Variants in SLC1A6 observed in about 807,000 individuals in gnomAD.
SLC1A6 encodes the protein excitatory amino acid transporter 4.
A neutral mutation model predicts 42.1 loss-of-function variants in SLC1A6; 15 were observed. The observed-to-expected ratio is 0.36, with a 90% CI of 0.24 to 0.55. The LOEUF (loss-of-function observed/expected upper bound fraction) is 0.55. Ranked by LOEUF, SLC1A6 falls within the 20% of genes least tolerant of loss-of-function variation. The probability of loss-of-function intolerance (pLI) is 0.88; values close to 1 mark genes in which losing one functional copy is unlikely to be tolerated. For missense variants in SLC1A6, 542 were observed against 772.5 expected, an observed-to-expected ratio of 0.70 and a Z score of 3.54; for synonymous variants, 317 against 319.7, an observed-to-expected ratio of 0.99 and a Z score of 0.09.
At position 14,971,791 on chromosome 19, in the gene SLC1A6, T is replaced by A; in HGVS notation, c.289A>T (p.Met97Leu). Residue 97 changes from methionine (M) to leucine (L), a missense_variant, in exon 3 of 10, where the codon ATG (methionine) becomes TTG (leucine). Met to Leu is a conservative substitution (Grantham distance 15). Coordinates refer to ENST00000594383, the MANE Select transcript of SLC1A6 (RefSeq NM_005071.3). The stretch of plus-strand genomic sequence containing the variant: ...AACACCAGCATCTGCAGCATCCTCA[T>A]CAGAAGCTCTCCAGGAAAAGAGAAG... ...KYFSFPGELL[M>L]RMLQMLVLPL... 6.2e-7 allele frequency: 1 copy of A among 1,614,088 alleles called. No homozygotes were observed. Among genetic ancestry groups the A allele is most frequent in the Non-Finnish European group, 8.5e-7 (1 of 1,179,974 alleles).
intron 1 of SLC1A6, among the ~76,000 whole-genome samples, chr19:14,996,532 T>TTCTTCTTCTTCC (rs2045847321): frequency 3.6e-5 from 4 of 110,952 alleles, no homozygotes; most frequent in African/African-American, 1.2e-4. Flanking sequence ...CTCCTCTTTC[T>TTCTTCTTCTTCC]TCTTCTTCTT....
At chr19:14,971,235 A>G (rs953660289) in intron 3 of SLC1A6, among the ~76,000 whole-genome samples, 17 of 152,338 alleles carry the variant, frequency 1.1e-4, no homozygotes, top group African/African-American at 3.8e-4. Context: ...AAAAGAGACC[A>G]TATGGCCCTT....
At chr19:14,987,295 C>T (rs779245760) in intron 1 of SLC1A6, among the ~76,000 whole-genome samples, 51 of 151,872 alleles carry the variant, frequency 3.4e-4, no homozygotes, top group Admixed American at 3.3e-4. Flanking sequence ...GGCGAAATAC[C>T]GTCTCTACTG....
chr19:14,957,380 T>C (rs2045472634), intron 6 of SLC1A6, among the ~76,000 whole-genome samples: 1 of 152,150 alleles, frequency 6.6e-6, no homozygotes. Flanking sequence ...TATCTTGAGA[T>C]CCTAACCCCC....
intron 3 of SLC1A6, among the ~76,000 whole-genome samples, chr19:14,970,140 A>G (rs2045620764): frequency 6.6e-6 from 1 of 152,136 alleles, no homozygotes. Context: ...CAGTGGTGCC[A>G]TCACAGCTCG....
chr19:14,983,759 G>T (rs909127623), upstream of SLC1A6, among the ~76,000 whole-genome samples: 4 of 146,144 alleles, frequency 2.7e-5, no homozygotes, highest in Admixed American at 2.8e-4. Flanking sequence ...AAGGCTGTAA[G>T]GCTGTGACGT....
intron 9 of SLC1A6, 74 bp from the exon 10 acceptor site, chr19:14,950,464 G>C (rs2045400394): frequency 3.3e-6 from 4 of 1,209,038 alleles, no homozygotes; most frequent in Non-Finnish European, 2.3e-6. Context: ...GCAGCAGAGG[G>C]GGGTCCCTGT....
intron 3 of SLC1A6, 55 bp downstream of exon 3, chr19:14,971,682 C>T: frequency 6.3e-7 from 1 of 1,586,510 alleles, no homozygotes; most frequent in Non-Finnish European, 8.6e-7. Context: ...GCTCTGGGTT[C>T]AAGCTGAGGC....
At chr19:15,000,421 C>G (rs7254937) in intron 1 of SLC1A6, among the ~76,000 whole-genome samples, 14,834 of 152,184 alleles carry the variant, frequency 0.097, 883 homozygotes, top group East Asian at 0.2. Flanking sequence ...CTGTTTCTAT[C>G]AGTTTGTCTT....
In SLC1A6 at chr19:15,007,261, A is replaced by G. The variant is rs554384890; in HGVS notation, c.6+3224T>C. 4.5e-3 allele frequency among the ~76,000 whole-genome samples: 692 copies of G among 152,336 alleles called. 8 individuals carry two copies. The highest frequency in any genetic ancestry group is 0.016 in the African/African-American group (663 of 41,580). On this transcript the variant is annotated intron_variant, in intron 1 of 8. Transcript: ENST00000430939. ...AACATGGACAAATCTGGAAAACACG[A>G]TGCTGAGTGAGAGAAACCAGATACA...
intron 1 of SLC1A6, among the ~76,000 whole-genome samples, chr19:14,995,554 A>T (rs541057401): frequency 6.6e-6 from 1 of 152,222 alleles, no homozygotes; most frequent in South Asian, 2.1e-4. Context: ...AAGCGAACAG[A>T]TGCAAATGCT....
intron 1 of SLC1A6, among the ~76,000 whole-genome samples, chr19:14,992,426 G>T (rs1327188097): frequency 6.6e-6 from 1 of 152,082 alleles, no homozygotes; most frequent in Non-Finnish European, 1.5e-5. Flanking sequence ...AGGTTAAGCA[G>T]CAGGCCTCAG....
intron 8 of SLC1A6, among the ~76,000 whole-genome samples, chr19:14,953,819 A>C (rs1030506963): frequency 2.6e-5 from 4 of 152,196 alleles, no homozygotes; most frequent in African/African-American, 9.7e-5. Context: ...AGAGCCTACA[A>C]ATATAAGAAT....
At chr19:15,003,953 C>G (rs755721896) in intron 1 of SLC1A6, among the ~76,000 whole-genome samples, 2 of 152,094 alleles carry the variant, frequency 1.3e-5, no homozygotes, top group African/African-American at 2.4e-5. Context: ...CTCAGGAGCT[C>G]GAGACCAACC....
intron 1 of SLC1A6, among the ~76,000 whole-genome samples, chr19:15,008,031 C>CCA (rs1568304151): frequency 2.5e-5 from 2 of 79,302 alleles, no homozygotes; most frequent in African/African-American, 4.0e-5. Flanking sequence ...GCCCCCCCCC[C>CCA]AAAAAAAAAC....
intron 5 of SLC1A6, among the ~76,000 whole-genome samples, chr19:14,963,556 C>T (rs2045539708): frequency 6.6e-6 from 1 of 152,078 alleles, no homozygotes; most frequent in South Asian, 2.1e-4. Flanking sequence ...ATCATCATAC[C>T]TCATAAATAC....
intron 1 of SLC1A6, among the ~76,000 whole-genome samples, chr19:14,987,589 A>G (rs1219548658): frequency 1.3e-5 from 2 of 152,196 alleles, no homozygotes; most frequent in Admixed American, 1.3e-4. Flanking sequence ...TGCGCAGGTG[A>G]TATTTGAGCA....
intron 1 of SLC1A6, chr19:14,974,476 T>C (rs1030060499): frequency 6.6e-6 from 1 of 152,010 alleles, no homozygotes; most frequent in African/African-American, 2.4e-5. Context: ...AAAATGCATA[T>C]AAAAATTAAA....
chr19:14,988,454 A>T (rs939379597), intron 1 of SLC1A6, among the ~76,000 whole-genome samples: 1 of 152,232 alleles, frequency 6.6e-6, no homozygotes, highest in African/African-American at 2.4e-5. Flanking sequence ...AAATAACCCA[A>T]TTAGAAAATG....
Sources: allele counts gnomAD v4.1 joint callset (sites outside exome capture counted in the v4.1 genomes callset), GRCh38; gene constraint gnomAD v4.1.1; transcripts MANE v1.5; gene names NCBI Gene and HGNC (gene_info 2026-07-23, HGNC 2026-07-21).